The following ZCCHC10 variants were observed in gnomAD, a reference collection of about 807,000 sequenced individuals.
The protein encoded by ZCCHC10 is zinc finger CCHC-type containing 10.
Under a neutral mutation model 19.5 loss-of-function variants are expected in ZCCHC10, and 16 were observed. The observed-to-expected ratio is 0.82, with a 90% CI of 0.56 to 1.25. ZCCHC10 has a LOEUF of 1.25. Among genes scored for constraint, ZCCHC10 ranks in the 50% most tolerant of loss-of-function variants. ZCCHC10 has a pLI of 0.00. For missense variants in ZCCHC10, 197 were observed against 201.0 expected, an observed-to-expected ratio of 0.98 and a Z score of 0.12; for synonymous variants, 67 against 72.5, an observed-to-expected ratio of 0.92 and a Z score of 0.38.
chr5:133,025,525 A>AAAAAAG (rs1764636549), intron 1 of ZCCHC10, among the ~76,000 whole-genome samples: 4 of 124,848 alleles, frequency 3.2e-5, no homozygotes, highest in African/African-American at 6.7e-5. Flanking sequence ...AAAAAAAAAA[A>AAAAAAG]AAAAAAAAGA....
rs965354828 is a variant in ZCCHC10, at chr5:133,004,556, C to T, written c.269+2203G>A. On this transcript the variant is annotated intron_variant, in intron 3 of 4. Transcript: ENST00000509437. ...GGGCTAGAGTGCAGTGGCGCGATCTCGGCTCCCTTGCAAGCTCCGCCTTCC... is the reference window on the plus strand; with the variant it reads ...GGGCTAGAGTGCAGTGGCGCGATCTTGGCTCCCTTGCAAGCTCCGCCTTCC... Among the ~76,000 whole-genome samples the T allele has an allele frequency of 2.6e-5, 4 of 152,084 alleles. No individual in the cohort carries two copies. In the East Asian group the frequency reaches 5.8e-4, roughly 22 times the overall value.
At chr5:133,006,653 A>G in intron 3 of ZCCHC10, 106 bp downstream of exon 3, 2 of 1,113,868 alleles carry the variant, frequency 1.8e-6, no homozygotes, top group South Asian at 1.9e-5. Context: ...AACATTAGTA[A>G]CATTATAATT....
At chr5:133,025,596 C>G (rs954185706) in intron 1 of ZCCHC10, among the ~76,000 whole-genome samples, 4 of 150,800 alleles carry the variant, frequency 2.7e-5, no homozygotes, top group African/African-American at 9.7e-5. Flanking sequence ...CTGCCACTCT[C>G]TCTTGTTCAT....
intron 2 of ZCCHC10, 135 bp downstream of exon 2, chr5:133,022,706 C>T (rs929436118): frequency 4.4e-5 from 16 of 362,926 alleles, no homozygotes; most frequent in Non-Finnish European, 6.5e-5. Flanking sequence ...CTGCCTCAGC[C>T]TCCCAAAGTG....
chr5:133,006,422 A>G (rs1042987588), intron 3 of ZCCHC10, among the ~76,000 whole-genome samples: 1 of 152,146 alleles, frequency 6.6e-6, no homozygotes, highest in Non-Finnish European at 1.5e-5. Flanking sequence ...GATTAAGACC[A>G]TGAATCTGGG....
chr5:133,019,963 A>AG (rs1256344588), intron 2 of ZCCHC10, among the ~76,000 whole-genome samples: 2 of 151,832 alleles, frequency 1.3e-5, no homozygotes, highest in African/African-American at 4.8e-5. Context: ...AAAAAAAAAA[A>AG]AAAGAAAAGT....
chr5:133,006,363 G>T (rs146000036), intron 3 of ZCCHC10, among the ~76,000 whole-genome samples: 8 of 151,890 alleles, frequency 5.3e-5, no homozygotes, highest in African/African-American at 1.9e-4. Context: ...ATAATCTATC[G>T]GTTAATTCAA....
chr5:133,011,120 T>C (rs1159515310), intron 2 of ZCCHC10, among the ~76,000 whole-genome samples: 1 of 151,376 alleles, frequency 6.6e-6, no homozygotes, highest in Non-Finnish European at 1.5e-5. Context: ...TAAAAATATT[T>C]TTTTTTTCTT....
chr5:133,005,830 T>C (rs975744307), intron 3 of ZCCHC10, among the ~76,000 whole-genome samples: 1 of 152,142 alleles, frequency 6.6e-6, no homozygotes, highest in African/African-American at 2.4e-5. Flanking sequence ...GGAAGAATTG[T>C]ATATGAATGT....
chr5:133,025,580 T>C (rs958918799), intron 1 of ZCCHC10, among the ~76,000 whole-genome samples: 8 of 148,588 alleles, frequency 5.4e-5, no homozygotes, highest in African/African-American at 1.7e-4. Context: ...CAGCTATGAA[T>C]CTCTTCTGCC....
rs1581364832 is a variant in ZCCHC10 at position 132,998,565 on chromosome 5, A to G, written c.*18T>C. On this transcript the variant is annotated 3_prime_UTR_variant, in exon 5 of 5. Coordinates refer to ENST00000509437, the MANE Select transcript of ZCCHC10 (RefSeq NM_001300816.3). ...ATCAATGTTTTCAGTCCATCAGTCC[A>G]ATATGAATGGAGCAACTCTATTTCT... 2 of 1,605,992 alleles carry G rather than the reference A, an allele frequency of 1.2e-6. No homozygotes were observed. The highest frequency in any genetic ancestry group is 2.2e-5 in the East Asian group (1 of 44,850).
Position 133,014,154 on chromosome 5 carries a change from CTT to C in ZCCHC10, c.108-7236_108-7235del, listed in dbSNP as rs767551153. Reference sequence around the variant, plus strand: ...TGTTGATACATTCCTACTATTTACTCTTTTTTTTTTTTTTTTTTTTTTGAGAC... The same window carrying C: ...TGTTGATACATTCCTACTATTTACTCTTTTTTTTTTTTTTTTTTTTGAGAC... On this transcript the variant is annotated intron_variant, in intron 2 of 4. Transcript: ENST00000509437. 3.7e-3 allele frequency among the ~76,000 whole-genome samples: 423 copies of C among 113,054 alleles called. 1 individual carries two copies. The highest frequency in any genetic ancestry group is 0.014 in the African/African-American group (365 of 26,362). 74.2% of individuals were successfully genotyped at this position (113,054 alleles called of 152,430 possible). A position where few individuals can be genotyped will look rare whatever the true frequency, so the allele number is the denominator to read the frequency against.
chr5:133,009,633 A>AAAAAAAAT (rs1763364319), intron 2 of ZCCHC10, among the ~76,000 whole-genome samples: 1 of 151,096 alleles, frequency 6.6e-6, no homozygotes, highest in Non-Finnish European at 1.5e-5. Flanking sequence ...AAAAAAAAAA[A>AAAAAAAAT]GAATAATCAA....
At chr5:133,011,038 C>A (rs965721779) in intron 2 of ZCCHC10, among the ~76,000 whole-genome samples, 1 of 152,018 alleles carries the variant, frequency 6.6e-6, no homozygotes, top group Non-Finnish European at 1.5e-5. Flanking sequence ...GTGATCCACC[C>A]ACCTTGGCCT....
Position 133,022,858 on chromosome 5 carries a change from C to G in ZCCHC10, c.90G>C (p.Gln30His), listed in dbSNP as rs1764412527. ...QPVKTFWILI[Q>H]PSIVISEANK... is the part of the protein sequence containing the mutation. ...AGGGATACCTAATAACGATGGATGG[C>G]TGAATCAGGATCCAAAAGGTCTTGA... Residue 30 changes from glutamine to histidine, a missense_variant, in exon 2 of 5, where the codon CAG becomes CAC. Gln to His is a conservative substitution (Grantham distance 24, BLOSUM62 0). Transcript: ENST00000509437. 3.3e-6 allele frequency: 2 copies of G among 612,380 alleles called. No homozygotes were observed. Among genetic ancestry groups the G allele is most frequent in the African/African-American group, 1.9e-5 (1 of 52,720 alleles). 37.9% of individuals were successfully genotyped at this position (612,380 alleles called of 1,614,324 possible). A position where few individuals can be genotyped will look rare whatever the true frequency, so the allele number is the denominator to read the frequency against.
At position 132,998,645 on chromosome 5, in the gene ZCCHC10, T is replaced by A; in HGVS notation, c.517A>T (p.Ser173Cys). 6.2e-7 allele frequency: 1 copy of A among 1,614,190 alleles called. No homozygotes were observed. The highest frequency in any genetic ancestry group is 8.5e-7 in the Non-Finnish European group (1 of 1,180,040). Residue 173 changes from serine (S) to cysteine (C), a missense_variant, in exon 5 of 5, where the codon AGT becomes TGT. Ser to Cys is a moderately radical substitution (Grantham distance 112, BLOSUM62 -1). Transcript: ENST00000509437. Reference sequence around the variant, plus strand: ...GAGCTGCTATCTGTGCTGGTGCTACTGCTACTGGAAGAGCTGGAATCTGAG... The same window carrying A: ...GAGCTGCTATCTGTGCTGGTGCTACAGCTACTGGAAGAGCTGGAATCTGAG... Reference protein sequence around the residue: ...SDSDSSSSSSSSTSTDSSSDD... With the variant: ...SDSDSSSSSSCSTSTDSSSDD...
chr5:133,008,224 CAAAAA>C (rs1226503517), intron 2 of ZCCHC10, among the ~76,000 whole-genome samples: 1 of 68,650 alleles, frequency 1.5e-5, no homozygotes, highest in Non-Finnish European at 2.9e-5. Flanking sequence ...GACTCTGTCT[CAAAAA>C]AAAAAAAAAA....
chr5:133,013,177 G>A (rs1381699931), intron 2 of ZCCHC10, among the ~76,000 whole-genome samples: 1 of 148,576 alleles, frequency 6.7e-6, no homozygotes, highest in Non-Finnish European at 1.5e-5. Flanking sequence ...AGAATTGCTT[G>A]AACCCGAGAG....
intron 2 of ZCCHC10, among the ~76,000 whole-genome samples, chr5:133,020,088 T>C (rs1024345361): frequency 1.3e-5 from 2 of 152,106 alleles, no homozygotes; most frequent in African/African-American, 4.8e-5. Flanking sequence ...CCCAGCACTT[T>C]GGGAAACAGA....
Sources: gnomAD v4.1 joint callset for allele counts (sites outside exome capture counted in the v4.1 genomes callset) on GRCh38, gnomAD v4.1.1 for gene constraint, MANE v1.5 for transcripts, NCBI Gene and HGNC (gene_info 2026-07-23, HGNC 2026-07-21) for gene names.